Variants in PLPPR1 observed in about 807,000 individuals in gnomAD.
The protein encoded by PLPPR1 is phospholipid phosphatase-related protein type 1.
Under a neutral mutation model 33.1 loss-of-function variants are expected in PLPPR1, and 10 were observed. That is an observed-to-expected ratio of 0.30 (90% CI 0.19 to 0.51). The LOEUF is 0.51. Ranked by LOEUF, PLPPR1 falls within the 20% of genes least tolerant of loss-of-function variation. The pLI is 0.97. For synonymous variants in PLPPR1, 151 were observed against 151.0 expected, an observed-to-expected ratio of 1.00 and a Z score of 0.00; for missense variants, 304 against 408.1, an observed-to-expected ratio of 0.74 and a Z score of 2.20.
chr9:101,201,417 G>A (rs1304969993), intron 2 of PLPPR1, among the ~76,000 whole-genome samples: 5 of 152,134 alleles, frequency 3.3e-5, no homozygotes, highest in Admixed American at 6.5e-5. Flanking sequence ...GAAACACTTT[G>A]AAGCTAAAAT....
intron 4 of PLPPR1, among the ~76,000 whole-genome samples, chr9:101,304,719 G>A (rs1007679459): frequency 6.6e-6 from 1 of 152,202 alleles, no homozygotes; most frequent in African/African-American, 2.4e-5. Flanking sequence ...GCTACAGCTT[G>A]AAAGCAGACG....
At chr9:101,261,973 T>C (rs1211051722) in intron 2 of PLPPR1, among the ~76,000 whole-genome samples, 1 of 151,834 alleles carries the variant, frequency 6.6e-6, no homozygotes, top group Non-Finnish European at 1.5e-5. Flanking sequence ...CATATACCCC[T>C]GAACTTAAAA....
intron 1 of PLPPR1, among the ~76,000 whole-genome samples, chr9:101,035,193 G>T (rs1049209594): frequency 2.6e-5 from 4 of 152,100 alleles, no homozygotes; most frequent in African/African-American, 7.2e-5. Flanking sequence ...ACAACATTCC[G>T]TAGGAAATTA....
chr9:101,228,802 G>C (rs1827124860), intron 2 of PLPPR1, among the ~76,000 whole-genome samples: 1 of 152,042 alleles, frequency 6.6e-6, no homozygotes, highest in Non-Finnish European at 1.5e-5. Flanking sequence ...AAGGCAACTG[G>C]ACAAAGTAGC....
At chr9:101,296,180 CA>C (rs1030424942) in intron 4 of PLPPR1, among the ~76,000 whole-genome samples, 1 of 151,758 alleles carries the variant, frequency 6.6e-6, no homozygotes, top group East Asian at 1.9e-4. Context: ...TTTATGCAGC[CA>C]AAAAACACAT....
chr9:101,079,218 T>A (rs1373004689), intron 1 of PLPPR1, among the ~76,000 whole-genome samples: 1 of 152,194 alleles, frequency 6.6e-6, no homozygotes, highest in East Asian at 1.9e-4. Context: ...TCTGGTGAGC[T>A]CCTAGGCAGG....
intron 3 of PLPPR1, among the ~76,000 whole-genome samples, chr9:101,283,031 C>A (rs1828331123): frequency 6.6e-6 from 1 of 152,118 alleles, no homozygotes; most frequent in African/African-American, 2.4e-5. Context: ...GTGATGGGAT[C>A]TCGCTCTGTT....
chr9:101,270,073 G>A lies in PLPPR1; in HGVS notation c.252+5G>A. 1 of 1,614,004 alleles carries A rather than the reference G, an allele frequency of 6.2e-7. No homozygotes were observed. The highest frequency in any genetic ancestry group is 1.3e-5 in the African/African-American group (1 of 75,058). On this transcript the variant is annotated splice_donor_5th_base_variant and intron_variant, in intron 3 of 7. Transcript: ENST00000374874. ...GCTGCCACCCCAACTGCTATTGTAAGTACAGAAATAGACTTTCCTCTTTAT... is the reference window on the plus strand; with the variant it reads ...GCTGCCACCCCAACTGCTATTGTAAATACAGAAATAGACTTTCCTCTTTAT...
At chr9:101,302,886 T>C (rs1326792625) in intron 4 of PLPPR1, among the ~76,000 whole-genome samples, 3 of 152,358 alleles carry the variant, frequency 2.0e-5, no homozygotes, top group East Asian at 3.8e-4. Flanking sequence ...GTATCCTCAA[T>C]ATCATACAAC....
At chr9:101,226,810 A>C (rs1369632704) in intron 2 of PLPPR1, among the ~76,000 whole-genome samples, 3 of 152,162 alleles carry the variant, frequency 2.0e-5, no homozygotes, top group African/African-American at 7.2e-5. Context: ...AGGGGCAGGA[A>C]GAGAAGAGGC....
At chr9:101,259,298 T>C (rs1351955334) in intron 2 of PLPPR1, among the ~76,000 whole-genome samples, 1 of 152,190 alleles carries the variant, frequency 6.6e-6, no homozygotes, top group Admixed American at 6.6e-5. Flanking sequence ...TTTGCTGGCT[T>C]GGACTCTATT....
intron 1 of PLPPR1, among the ~76,000 whole-genome samples, chr9:101,056,978 C>T (rs536742358): frequency 6.6e-6 from 1 of 152,074 alleles, no homozygotes; most frequent in African/African-American, 2.4e-5. Context: ...CATTACTCAA[C>T]CCCCCAGCCC....
chr9:101,218,867 G>T (rs1826862191), intron 2 of PLPPR1, among the ~76,000 whole-genome samples: 1 of 152,152 alleles, frequency 6.6e-6, no homozygotes, highest in Admixed American at 6.5e-5. Context: ...TTACTGGAAT[G>T]CTTTCAAATA....
intron 2 of PLPPR1, among the ~76,000 whole-genome samples, chr9:101,230,904 G>A (rs1036849066): frequency 1.5e-4 from 22 of 148,982 alleles, no homozygotes; most frequent in African/African-American, 5.3e-4. Context: ...TTTTTCCAGT[G>A]AATTCTGCTG....
chr9:101,079,399 C>G (rs986437298), intron 1 of PLPPR1, among the ~76,000 whole-genome samples: 1 of 152,132 alleles, frequency 6.6e-6, no homozygotes, highest in African/African-American at 2.4e-5. Flanking sequence ...AAAGGATACA[C>G]AAGAGGGAAG....
At chr9:101,168,161 C>A (rs1055897277) in intron 1 of PLPPR1, among the ~76,000 whole-genome samples, 5 of 152,116 alleles carry the variant, frequency 3.3e-5, no homozygotes, top group African/African-American at 1.2e-4. Context: ...CACAGCCAAA[C>A]CATATCAATT....
rs935375159 is a variant in PLPPR1 at position 101,269,423 on chromosome 9, G to A, written c.64-457G>A. Among the ~76,000 whole-genome samples the A allele has an allele frequency of 1.3e-4, 19 of 151,956 alleles. 1 individual carries two copies. The highest frequency in any genetic ancestry group is 1.0e-3 in the Admixed American group (16 of 15,256). On this transcript the variant is annotated intron_variant, in intron 2 of 7. Coordinates refer to ENST00000374874, the MANE Select transcript of PLPPR1 (RefSeq NM_207299.2). ...TTTGTCCATTCCTTCGTTTACTCGT[G>A]GTTTACCTACCTTTCATATTTCATA...
intron 1 of PLPPR1, among the ~76,000 whole-genome samples, chr9:101,154,207 G>A (rs1205776821): frequency 6.6e-6 from 1 of 152,144 alleles, no homozygotes; most frequent in African/African-American, 2.4e-5. Flanking sequence ...TTTGGTATCA[G>A]GATGATCCTG....
chr9:101,102,195 G>T (rs1830912427), intron 1 of PLPPR1, among the ~76,000 whole-genome samples: 1 of 117,812 alleles, frequency 8.5e-6, no homozygotes, highest in South Asian at 3.1e-4. Context: ...TGCACATTGT[G>T]CAGGTTAGTT....
Sources: allele counts gnomAD v4.1 joint callset (sites outside exome capture counted in the v4.1 genomes callset), GRCh38; gene constraint gnomAD v4.1.1; transcripts MANE v1.5; gene names NCBI Gene and HGNC (gene_info 2026-07-23, HGNC 2026-07-21).